MEGF6: variants seen among roughly 807,000 people sequenced by gnomAD.
MEGF6 encodes the protein multiple EGF like domains 6.
A neutral mutation model predicts 207.1 loss-of-function variants in MEGF6; 184 were observed. The observed-to-expected ratio is 0.89, with a 90% CI of 0.79 to 1.00. The LOEUF is 1.00. MEGF6 is among the 50% of genes least tolerant of loss of function. The probability of loss-of-function intolerance (pLI) is 0.00; values close to 1 mark genes in which losing one functional copy is unlikely to be tolerated. For synonymous variants in MEGF6, 1,038 were observed against 910.0 expected (o/e 1.14, Z -2.53); for missense variants, 2,282 against 2,202.9 (o/e 1.04, Z -0.72).
chr1:3,579,193 G>C (rs149077976), intron 4 of MEGF6, among the ~76,000 whole-genome samples: 1 of 152,244 alleles, frequency 6.6e-6, no homozygotes, highest in African/African-American at 2.4e-5. Context: ...GAAGACTCCC[G>C]CTTCCCATGG....
chr1:3,516,804 G>A (rs1057460051), intron 5 of MEGF6, among the ~76,000 whole-genome samples: 6 of 152,216 alleles, frequency 3.9e-5, no homozygotes, highest in African/African-American at 1.4e-4. Context: ...AGCAGGCGCT[G>A]AGGGTCCCCT....
At position 3,490,187 on chromosome 1, in the gene MEGF6, C is replaced by T. The variant is rs182917441; in HGVS notation, c.*341G>A. The stretch of plus-strand genomic sequence containing the variant: ...GACAGTGGCCCTGTGCCTGCACCTG[C>T]GCCTGCACCCACACTGGCGCCCACA... On this transcript the variant is annotated 3_prime_UTR_variant, in exon 37 of 37. Transcript: ENST00000356575. 3.8e-5 allele frequency: 14 copies of T among 369,828 alleles called. No individual in the cohort carries two copies. The highest frequency in any genetic ancestry group is 6.4e-5 in the Non-Finnish European group (13 of 204,016). The allele number at this position is 369,828 out of a possible 1,614,324, so 22.9% of individuals were successfully genotyped here. A position where few individuals can be genotyped will look rare whatever the true frequency, so the allele number is the denominator to read the frequency against.
At chr1:3,531,420 C>A (rs570330659) in intron 4 of MEGF6, 2 of 1,127,710 alleles carry the variant, frequency 1.8e-6, no homozygotes, top group East Asian at 4.8e-5. Context: ...CTGGGCCGGG[C>A]GCGCCCCGCC....
In MEGF6 at chr1:3,492,851, G is replaced by A. The variant is rs575566373; in HGVS notation, c.4388-84C>T. On this transcript the variant is annotated intron_variant, in intron 34 of 36. Transcript: ENST00000356575. The stretch of plus-strand genomic sequence containing the variant: ...AAGGAGCCTGGGCCTAGGGGCCCGC[G>A]GCAGAGCCCAGGTGGAGTGAAGCCT... The A allele has an allele frequency of 2.9e-5, 44 of 1,533,398 alleles. No homozygotes were observed. In the Middle Eastern group the frequency reaches 7.0e-4, roughly 25 times the overall value. 95.0% of individuals were successfully genotyped at this position (1,533,398 alleles called of 1,614,324 possible).
intron 4 of MEGF6, chr1:3,531,204 G>T (rs1201390362): frequency 2.0e-6 from 3 of 1,500,800 alleles, no homozygotes; most frequent in Non-Finnish European, 2.7e-6. Flanking sequence ...GGAGCCCAAG[G>T]CACCAGAGCG....
chr1:3,554,596 G>A (rs1229257772), intron 4 of MEGF6, among the ~76,000 whole-genome samples: 3 of 152,170 alleles, frequency 2.0e-5, no homozygotes, highest in Non-Finnish European at 2.9e-5. Context: ...TTTAGAGGCC[G>A]GAAGTCCAAA....
chr1:3,539,510 G>C (rs1213112765), intron 4 of MEGF6, among the ~76,000 whole-genome samples: 1 of 152,092 alleles, frequency 6.6e-6, no homozygotes, highest in African/African-American at 2.4e-5. Flanking sequence ...AGGCACAGGG[G>C]GAACGTGACT....
chr1:3,530,311 A>G (rs1642106719), intron 4 of MEGF6, among the ~76,000 whole-genome samples: 1 of 152,216 alleles, frequency 6.6e-6, no homozygotes, highest in South Asian at 2.1e-4. Flanking sequence ...GAAACAGCTA[A>G]GGAGGGGTGA....
At position 3,505,568 on chromosome 1, in the gene MEGF6, G is replaced by A. The variant is rs1010943848; in HGVS notation, c.1919-12C>T. On this transcript the variant is annotated splice_polypyrimidine_tract_variant and intron_variant, in intron 15 of 36. Transcript: ENST00000356575. ...CCACGGCGGGCAGGCTGCACCCACA[G>A]AACCGTTGAGGGGGGCTCCCGTCTG... 17 of 1,558,612 alleles carry A rather than the reference G, an allele frequency of 1.1e-5. No homozygotes were observed. Among genetic ancestry groups the A allele is most frequent in the Non-Finnish European group, 1.5e-5 (17 of 1,156,590 alleles).
chr1:3,616,635 C>T, the MEGF6 span, among the ~76,000 whole-genome samples: 82 of 152,280 alleles, frequency 5.4e-4, no homozygotes, highest in Admixed American at 2.0e-3. Context: ...CACCAGAAAC[C>T]CTGCACCAAA....
chr1:3,569,846 C>A (rs1643448215), intron 4 of MEGF6, among the ~76,000 whole-genome samples: 2 of 152,220 alleles, frequency 1.3e-5, no homozygotes, highest in Non-Finnish European at 1.5e-5. Context: ...ATGTCTCCTG[C>A]TGTAATTATG....
intron 4 of MEGF6, among the ~76,000 whole-genome samples, chr1:3,557,773 T>C (rs1643079192): frequency 6.6e-6 from 1 of 152,180 alleles, no homozygotes; most frequent in Admixed American, 6.5e-5. Context: ...GAAGGGCATA[T>C]CAGGGAAGGC....
chr1:3,497,407 G>A, intron 26 of MEGF6, 46 bp from the exon 27 acceptor site: 1 of 1,479,558 alleles, frequency 6.8e-7, no homozygotes, highest in Non-Finnish European at 9.0e-7. Context: ...GGGGCCCGTG[G>A]GGATCTGTGG....
chr1:3,494,764 G>C (rs1377802794), intron 30 of MEGF6, 23 bp from the exon 31 acceptor site: 1 of 1,547,570 alleles, frequency 6.5e-7, no homozygotes, highest in East Asian at 2.3e-5. Flanking sequence ...GGCAGGTGCT[G>C]CCTGGAGCTC....
intron 34 of MEGF6, chr1:3,493,310 G>A (rs1210067120): frequency 9.4e-6 from 2 of 212,474 alleles, no homozygotes; most frequent in African/African-American, 2.5e-5. Flanking sequence ...TCCTCAGGTG[G>A]GTCCCTCCTA....
chr1:3,500,607 C>A (rs1404436141), intron 21 of MEGF6, 26 bp downstream of exon 21: 2 of 1,538,862 alleles, frequency 1.3e-6, no homozygotes, highest in Non-Finnish European at 8.8e-7. Context: ...AGGAGGGTGG[C>A]AGCCAAAGGC....
At chr1:3,578,851 C>CTCT (rs1643718924) in intron 4 of MEGF6, among the ~76,000 whole-genome samples, 13 of 137,546 alleles carry the variant, frequency 9.5e-5, no homozygotes, top group East Asian at 2.0e-4. Context: ...CAGCTCAGAA[C>CTCT]GCTGGGGAGA....
chr1:3,544,665 C>T (rs1642646505), intron 4 of MEGF6, among the ~76,000 whole-genome samples: 1 of 152,218 alleles, frequency 6.6e-6, no homozygotes, highest in African/African-American at 2.4e-5. Context: ...TTGGGCCTCT[C>T]ACTCTGCTCT....
chr1:3,532,094 G>A (rs566021846), intron 4 of MEGF6, among the ~76,000 whole-genome samples: 110 of 152,364 alleles, frequency 7.2e-4, no homozygotes, highest in Non-Finnish European at 1.4e-3. Flanking sequence ...TTGCCTGCAG[G>A]GTGGCCAGCA....
Sources: gnomAD v4.1 joint callset for allele counts (sites outside exome capture counted in the v4.1 genomes callset) on GRCh38, gnomAD v4.1.1 for gene constraint, MANE v1.5 for transcripts, NCBI Gene and HGNC (gene_info 2026-07-23, HGNC 2026-07-21) for gene names.